Variants in HECW1 observed in about 807,000 individuals in gnomAD.
HECW1 encodes E3 ubiquitin-protein ligase HECW1.
A neutral mutation model predicts 182.3 loss-of-function variants in HECW1; 61 were observed. The observed-to-expected ratio is 0.33, with a 90% CI of 0.27 to 0.41. The LOEUF (loss-of-function observed/expected upper bound fraction) is 0.41. Ranked by LOEUF, HECW1 falls within the 10% of genes least tolerant of loss-of-function variation. The pLI, the probability that HECW1 is intolerant of heterozygous loss-of-function variation, is 1.00. For missense variants in HECW1, 1,739 were observed against 2,108.9 expected, an observed-to-expected ratio of 0.82 and a Z score of 3.44; for synonymous variants, 859 against 832.6, an observed-to-expected ratio of 1.03 and a Z score of -0.55.
chr7:43,202,169 G>A (rs965534470), intron 2 of HECW1, among the ~76,000 whole-genome samples: 23 of 152,204 alleles, frequency 1.5e-4, no homozygotes, highest in Non-Finnish European at 2.9e-4. Flanking sequence ...ACTTGCTGAA[G>A]GATACCTAGC....
intron 2 of HECW1, among the ~76,000 whole-genome samples, chr7:43,198,700 CA>C (rs569321485): frequency 2.2e-3 from 325 of 149,842 alleles, no homozygotes; most frequent in African/African-American, 7.6e-3. Flanking sequence ...ACCATACATA[CA>C]CCCCCCACAA....
chr7:43,437,898 T>G (rs2076761641), intron 8 of HECW1, 105 bp from the exon 9 acceptor site: 2 of 1,156,672 alleles, frequency 1.7e-6, no homozygotes, highest in African/African-American at 3.0e-5. Context: ...ATAGGTATAT[T>G]ATAGCTAGGA....
intron 8 of HECW1, among the ~76,000 whole-genome samples, chr7:43,421,989 C>G (rs1298680905): frequency 3.3e-5 from 5 of 152,120 alleles, no homozygotes; most frequent in Non-Finnish European, 7.3e-5. Context: ...TCTTTAATAT[C>G]CCTTTGCTTA....
chr7:43,398,653 G>A (rs62458240), intron 7 of HECW1, among the ~76,000 whole-genome samples: 1 of 152,146 alleles, frequency 6.6e-6, no homozygotes, highest in Non-Finnish European at 1.5e-5. Flanking sequence ...ACCACCCAAT[G>A]TGTTCACCTT....
intron 26 of HECW1, among the ~76,000 whole-genome samples, chr7:43,545,785 G>A (rs1442285346): frequency 6.6e-6 from 1 of 151,894 alleles, no homozygotes; most frequent in Non-Finnish European, 1.5e-5. Context: ...GGCTGAAGAG[G>A]AGCAGGAAAG....
At chr7:43,154,119 T>C (rs761625751) in intron 2 of HECW1, among the ~76,000 whole-genome samples, 16 of 152,218 alleles carry the variant, frequency 1.1e-4, no homozygotes, top group Non-Finnish European at 2.2e-4. Context: ...GTGGTATTGA[T>C]TTCCTCTATG....
At chr7:43,143,748 G>A (rs1245939374) in intron 2 of HECW1, among the ~76,000 whole-genome samples, 1 of 152,208 alleles carries the variant, frequency 6.6e-6, no homozygotes, top group East Asian at 1.9e-4. Context: ...CCTGCAAAAT[G>A]TGGTCATTCC....
At chr7:43,239,057 C>T (rs989256375) in intron 2 of HECW1, 19 of 152,198 alleles carry the variant, frequency 1.2e-4, no homozygotes, top group African/African-American at 4.1e-4. Context: ...GACCCCAACT[C>T]ATGCTGATGG....
chr7:43,255,204 A>G (rs1032473710), intron 3 of HECW1, among the ~76,000 whole-genome samples: 2 of 152,242 alleles, frequency 1.3e-5, no homozygotes, highest in African/African-American at 4.8e-5. Flanking sequence ...TTCTACTTCC[A>G]AGCAAAAGAG....
chr7:43,363,811 C>G (rs1167511425), intron 6 of HECW1, among the ~76,000 whole-genome samples: 1 of 152,208 alleles, frequency 6.6e-6, no homozygotes, highest in Non-Finnish European at 1.5e-5. Context: ...TGGAGAGAGG[C>G]AGGAACTACC....
intron 19 of HECW1, among the ~76,000 whole-genome samples, chr7:43,496,739 G>A (rs1453923729): frequency 6.6e-6 from 1 of 152,176 alleles, no homozygotes; most frequent in East Asian, 1.9e-4. Flanking sequence ...GTTTGAGTAT[G>A]TAGAAAACTG....
chr7:43,139,182 AG>A (rs1176995941), intron 2 of HECW1, among the ~76,000 whole-genome samples: 1 of 152,248 alleles, frequency 6.6e-6, no homozygotes, highest in Non-Finnish European at 1.5e-5. Context: ...ACCTGACCCT[AG>A]GGGGGCTGCC....
chr7:43,312,613 C>A (rs1808673923), intron 4 of HECW1, among the ~76,000 whole-genome samples: 3 of 152,126 alleles, frequency 2.0e-5, no homozygotes, highest in Non-Finnish European at 4.4e-5. Flanking sequence ...GAGATTTATT[C>A]AAAATTTTGA....
intron 2 of HECW1, among the ~76,000 whole-genome samples, chr7:43,137,854 T>C (rs1283418248): frequency 6.6e-6 from 1 of 152,128 alleles, no homozygotes; most frequent in Non-Finnish European, 1.5e-5. Flanking sequence ...CCAGCCACTT[T>C]CTGCTTTCTT....
intron 3 of HECW1, among the ~76,000 whole-genome samples, chr7:43,311,462 T>C (rs889155869): frequency 6.6e-6 from 1 of 152,222 alleles, no homozygotes; most frequent in Non-Finnish European, 1.5e-5. Flanking sequence ...AGGGTCATTC[T>C]GCACATCCCA....
chr7:43,213,774 C>T (rs1584001118), intron 2 of HECW1, among the ~76,000 whole-genome samples: 1 of 152,158 alleles, frequency 6.6e-6, no homozygotes, highest in East Asian at 1.9e-4. Flanking sequence ...AAATTTAAAT[C>T]TTTATACATA....
intron 3 of HECW1, among the ~76,000 whole-genome samples, chr7:43,300,397 T>C (rs1435635030): frequency 1.3e-5 from 2 of 152,140 alleles, no homozygotes; most frequent in African/African-American, 4.8e-5. Context: ...GGAAGGAACC[T>C]GGGAAGGAAC....
chr7:43,179,719 A>G (rs189543877), intron 2 of HECW1, among the ~76,000 whole-genome samples: 2 of 152,346 alleles, frequency 1.3e-5, no homozygotes, highest in Admixed American at 1.3e-4. Context: ...AGCATAGAAT[A>G]TGACTGCCTT....
chr7:43,211,331 C>A (rs1795988558), intron 2 of HECW1, among the ~76,000 whole-genome samples: 1 of 152,176 alleles, frequency 6.6e-6, no homozygotes, highest in South Asian at 2.1e-4. Flanking sequence ...AGGCAGTTCC[C>A]ATTGTTTAAG....
Sources: gnomAD v4.1 joint callset for allele counts (sites outside exome capture counted in the v4.1 genomes callset) on GRCh38, gnomAD v4.1.1 for gene constraint, MANE v1.5 for transcripts, NCBI Gene and HGNC (gene_info 2026-07-23, HGNC 2026-07-21) for gene names.